Variants in ZNF566 observed in about 807,000 individuals in gnomAD.
The protein encoded by ZNF566 is zinc finger protein 566.
A neutral mutation model predicts 32.8 loss-of-function variants in ZNF566; 27 were observed. The observed-to-expected ratio is 0.82, with a 90% confidence interval of 0.61 to 1.14. ZNF566 has a LOEUF of 1.14. Among genes scored for constraint, ZNF566 ranks in the 50% most tolerant of loss-of-function variants. The probability of loss-of-function intolerance (pLI) is 0.00; values close to 1 mark genes in which losing one functional copy is unlikely to be tolerated. For synonymous variants in ZNF566, 154 were observed against 159.5 expected (o/e 0.97, Z 0.26); for missense variants, 402 against 490.4 (o/e 0.82, Z 1.70).
At chr19:36,467,973 G>A (rs972554596) in intron 4 of ZNF566, among the ~76,000 whole-genome samples, 1 of 151,316 alleles carries the variant, frequency 6.6e-6, no homozygotes. Flanking sequence ...ATCACCTGAG[G>A]TCAGGAGTTC....
intron 3 of ZNF566, 124 bp downstream of exon 3, chr19:36,473,208 A>G (rs2145686890): frequency 7.8e-7 from 1 of 1,275,626 alleles, no homozygotes; most frequent in East Asian, 2.3e-5. Flanking sequence ...CCATATTCAG[A>G]ACATTCCTGT....
intron 1 of ZNF566, among the ~76,000 whole-genome samples, chr19:36,480,288 C>CTTTT (rs773998048): frequency 1.5e-5 from 2 of 136,846 alleles, no homozygotes; most frequent in Non-Finnish European, 3.2e-5. Flanking sequence ...ATTTTTTTTT[C>CTTTT]TTTTTTTTTT....
rs531724228 is a variant in ZNF566 at position 36,476,956 on chromosome 19, A to C, written c.-59-340T>G. Among the ~76,000 whole-genome samples the C allele has an allele frequency of 1.2e-4, 18 of 152,308 alleles. No homozygotes were observed. The South Asian group carries it at 3.7e-3, about 32-fold the overall frequency. Reference sequence around the variant, plus strand: ...AGTCCCAATTAGCACATATTGTGTTACATAACTGGTTTAATAGCTACATTG... The same window carrying C: ...AGTCCCAATTAGCACATATTGTGTTCCATAACTGGTTTAATAGCTACATTG... On this transcript the variant is annotated intron_variant, in intron 1 of 4. Transcript: ENST00000452939.
Position 36,476,168 on chromosome 19 carries a change from T to A in ZNF566, c.9+381A>T, listed in dbSNP as rs951347851. 6 of 157,586 alleles carry A rather than the reference T, an allele frequency of 3.8e-5. No individual in the cohort carries two copies. The Admixed American group carries it at 3.9e-4, about 10-fold the overall frequency. The allele number at this position is 157,586 out of a possible 1,614,324, so 9.8% of individuals were successfully genotyped here. The stretch of plus-strand genomic sequence containing the variant: ...TAAAAATACAAAAATTAGCTGGGTG[T>A]GGTTGTGGGCGCCTGTAATCCCAGC... On this transcript the variant is annotated intron_variant, in intron 2 of 4. Transcript: ENST00000452939.
intron 4 of ZNF566, chr19:36,456,321 A>C (rs1018802758): frequency 5.4e-5 from 8 of 147,802 alleles, no homozygotes; most frequent in African/African-American, 2.0e-4. Context: ...GGATTGCCTG[A>C]GCTCAGGAGT....
At chr19:36,475,009 T>C (rs1216726245) in intron 2 of ZNF566, among the ~76,000 whole-genome samples, 2 of 152,148 alleles carry the variant, frequency 1.3e-5, no homozygotes, top group African/African-American at 4.8e-5. Flanking sequence ...AGAAAACTGG[T>C]GAAGGATGAT....
At chr19:36,475,369 G>A (rs1157954779) in intron 2 of ZNF566, among the ~76,000 whole-genome samples, 3 of 152,106 alleles carry the variant, frequency 2.0e-5, no homozygotes, top group African/African-American at 7.2e-5. Context: ...GATGCTTAGT[G>A]AGGTGTGAGA....
intron 1 of ZNF566, among the ~76,000 whole-genome samples, chr19:36,478,987 A>G (rs995791047): frequency 6.6e-6 from 1 of 152,206 alleles, no homozygotes; most frequent in African/African-American, 2.4e-5. Context: ...ACTGATGAAC[A>G]CTGATGCCTA....
Position 36,459,819 on chromosome 19 carries a change from C to CTTT in ZNF566, c.233-9821_233-9819dup, listed in dbSNP as rs77529506. On this transcript the variant is annotated intron_variant, in intron 4 of 4. Coordinates refer to ENST00000452939, the MANE Select transcript of ZNF566 (RefSeq NM_001145344.1). ...AGCCACCGCGCCTGGCCACCTATTA[C>CTTT]TTTTTTTTTTTTTTTTTGAGACAGA... Among the ~76,000 whole-genome samples the CTTT allele has an allele frequency of 1.9e-3, 257 of 135,254 alleles. 2 individuals are homozygous for CTTT. Among genetic ancestry groups the CTTT allele is most frequent in the Non-Finnish European group, 3.2e-3 (200 of 63,266 alleles). 88.7% of individuals were successfully genotyped at this position (135,254 alleles called of 152,430 possible).
chr19:36,459,884 T>C (rs147712742), intron 4 of ZNF566, among the ~76,000 whole-genome samples: 2,761 of 150,064 alleles, frequency 0.018, 34 homozygotes, highest in Non-Finnish European at 0.028. Flanking sequence ...AGTGGCGTGA[T>C]CTCAGCTCAC....
At chr19:36,475,523 G>A (rs919582640) in intron 2 of ZNF566, among the ~76,000 whole-genome samples, 3 of 152,128 alleles carry the variant, frequency 2.0e-5, no homozygotes, top group African/African-American at 7.2e-5. Flanking sequence ...GCTAATGAGG[G>A]CTTTTCCCTA....
chr19:36,471,213 C>CA (rs66905791), intron 4 of ZNF566, among the ~76,000 whole-genome samples: 138 of 107,394 alleles, frequency 1.3e-3, no homozygotes, highest in East Asian at 6.7e-3. Context: ...GACTCTGTCT[C>CA]AAAAAAAAAA....
chr19:36,474,919 A>G (rs2033848117), intron 2 of ZNF566, among the ~76,000 whole-genome samples: 2 of 152,284 alleles, frequency 1.3e-5, no homozygotes, highest in South Asian at 4.1e-4. Context: ...GGTGATCTCT[A>G]AAGACCTCGC....
At chr19:36,482,206 C>T (rs2034051536) in intron 1 of ZNF566, among the ~76,000 whole-genome samples, 1 of 152,150 alleles carries the variant, frequency 6.6e-6, no homozygotes, top group Non-Finnish European at 1.5e-5. Flanking sequence ...CCCAGGTTCA[C>T]GCCATTCTCC....
chr19:36,460,251 G>A (rs1025057794), intron 4 of ZNF566, among the ~76,000 whole-genome samples: 2 of 152,100 alleles, frequency 1.3e-5, no homozygotes, highest in South Asian at 2.1e-4. Context: ...AAATAAAGGT[G>A]ACTCATGTTG....
At chr19:36,474,716 A>T (rs2033843733) in intron 2 of ZNF566, among the ~76,000 whole-genome samples, 2 of 152,210 alleles carry the variant, frequency 1.3e-5, no homozygotes, top group Admixed American at 1.3e-4. Context: ...AATTACTTTT[A>T]AAAACTTTGT....
At chr19:36,459,493 G>A (rs574084577) in intron 4 of ZNF566, among the ~76,000 whole-genome samples, 1 of 151,468 alleles carries the variant, frequency 6.6e-6, no homozygotes, top group Non-Finnish European at 1.5e-5. Flanking sequence ...GATTACAGGC[G>A]TGAGCCACCG....
At chr19:36,453,099 C>T (rs1020457364) in intron 4 of ZNF566, among the ~76,000 whole-genome samples, 4 of 148,302 alleles carry the variant, frequency 2.7e-5, no homozygotes, top group African/African-American at 5.0e-5. Flanking sequence ...GCCTGGGCAA[C>T]AGAGCAAGAC....
At chr19:36,473,088 G>T in intron 3 of ZNF566, 82 bp from the exon 4 acceptor site, 1 of 1,311,694 alleles carries the variant, frequency 7.6e-7, no homozygotes. Flanking sequence ...TATAAAGAAA[G>T]ACATGGCATT....
Sources: allele counts gnomAD v4.1 joint callset (sites outside exome capture counted in the v4.1 genomes callset), GRCh38; gene constraint gnomAD v4.1.1; transcripts MANE v1.5; gene names NCBI Gene and HGNC (gene_info 2026-07-23, HGNC 2026-07-21).